The following LNPK variants were observed in gnomAD, a reference collection of about 807,000 sequenced individuals.
LNPK encodes lunapark, ER junction formation factor.
Under a neutral mutation model 55.2 loss-of-function variants are expected in LNPK, and 29 were observed. That is an observed-to-expected ratio of 0.53 (90% CI 0.39 to 0.72). The LOEUF is 0.72. Ranked by LOEUF, LNPK falls within the 30% of genes least tolerant of loss-of-function variation. LNPK has a pLI of 0.00. For missense variants in LNPK, 467 were observed against 494.8 expected (o/e 0.94, Z 0.53); for synonymous variants, 162 against 168.2 (o/e 0.96, Z 0.29).
At chr2:175,943,256 A>T (rs1408559952) in intron 9 of LNPK, among the ~76,000 whole-genome samples, 1 of 151,584 alleles carries the variant, frequency 6.6e-6, no homozygotes, top group African/African-American at 2.4e-5. Flanking sequence ...AAAAAAAAAA[A>T]AATAACCAGG....
At chr2:175,985,888 C>G (rs1196955071) in intron 4 of LNPK, among the ~76,000 whole-genome samples, 2 of 152,206 alleles carry the variant, frequency 1.3e-5, no homozygotes, top group African/African-American at 4.8e-5. Context: ...GAGGGCAAAA[C>G]TATGGATGAA....
rs1374172282 is a variant in LNPK at position 175,926,005 on chromosome 2, A to T, written c.*3962T>A. 2 of 152,208 alleles carry T rather than the reference A, an allele frequency of 1.3e-5. No homozygotes were observed. Among genetic ancestry groups the T allele is most frequent in the Non-Finnish European group, 2.9e-5 (2 of 68,066 alleles). The allele number at this position is 152,208 out of a possible 1,614,324, so 9.4% of individuals were successfully genotyped here. The stretch of plus-strand genomic sequence containing the variant: ...TTTTTAAAAACTCAGGCTGCAGCAC[A>T]CAGAATAGATAGCAAGTGCACAAGG... On this transcript the variant is annotated 3_prime_UTR_variant, in exon 13 of 13. Coordinates refer to ENST00000272748, the MANE Select transcript of LNPK (RefSeq NM_030650.3).
chr2:175,934,682 G>A (rs1306376870), intron 12 of LNPK, among the ~76,000 whole-genome samples: 1 of 151,632 alleles, frequency 6.6e-6, no homozygotes, highest in Non-Finnish European at 1.5e-5. Context: ...CCACCTTAAT[G>A]TAACTTAGCA....
chr2:175,971,938 A>C (rs1231414611), intron 5 of LNPK, among the ~76,000 whole-genome samples: 2 of 152,058 alleles, frequency 1.3e-5, no homozygotes, highest in East Asian at 1.9e-4. Flanking sequence ...TTGTTTTTTG[A>C]GACAGGGTAT....
chr2:175,978,382 G>A (rs998567020), intron 5 of LNPK, among the ~76,000 whole-genome samples: 8 of 152,140 alleles, frequency 5.3e-5, no homozygotes, highest in Non-Finnish European at 7.4e-5. Flanking sequence ...ACTTGGTGGT[G>A]TAGGTAGCTC....
intron 8 of LNPK, among the ~76,000 whole-genome samples, chr2:175,958,363 C>A (rs908967214): frequency 2.6e-5 from 4 of 152,206 alleles, no homozygotes; most frequent in Non-Finnish European, 5.9e-5. Context: ...GAAGCGTCCA[C>A]AGGAAGGATC....
chr2:176,000,020 C>CCTCCCAAAGTGCTGAGATTACAGGCGT (rs1688103185), intron 1 of LNPK, among the ~76,000 whole-genome samples: 1 of 152,168 alleles, frequency 6.6e-6, no homozygotes, highest in Non-Finnish European at 1.5e-5. Context: ...CCTGCCTTGG[C>CCTCCCAAAGTGCTGAGATTACAGGCGT]CTCCCAAAGT....
intron 8 of LNPK, among the ~76,000 whole-genome samples, chr2:175,962,763 A>C (rs2105621152): frequency 6.6e-6 from 1 of 152,292 alleles, no homozygotes; most frequent in South Asian, 2.1e-4. Flanking sequence ...CAGACTGAAC[A>C]CGCAATCTAC....
At chr2:175,976,776 T>C (rs1360220229) in intron 5 of LNPK, among the ~76,000 whole-genome samples, 1 of 152,240 alleles carries the variant, frequency 6.6e-6, no homozygotes, top group Non-Finnish European at 1.5e-5. Flanking sequence ...TTACACTTAC[T>C]GGCTCTCTTG....
intron 4 of LNPK, among the ~76,000 whole-genome samples, chr2:175,987,286 A>G (rs999114290): frequency 6.6e-6 from 1 of 152,220 alleles, no homozygotes; most frequent in African/African-American, 2.4e-5. Flanking sequence ...TTGTCCAACA[A>G]TGATAGACTG....
At chr2:175,980,858 G>A (rs1386432529) in intron 4 of LNPK, among the ~76,000 whole-genome samples, 1 of 142,054 alleles carries the variant, frequency 7.0e-6, no homozygotes, top group Non-Finnish European at 1.5e-5. Context: ...AGTGAGCCAA[G>A]ATCATGCCAC....
chr2:175,929,984 A>G lies in LNPK; in HGVS notation c.1270T>C (p.Ser424Pro). ...AGCATTTACTACTCTGCCGTCAAAGATTCTCCACTTAGTTCAGGATCAGGA... is the reference window on the plus strand; with the variant it reads ...AGCATTTACTACTCTGCCGTCAAAGGTTCTCCACTTAGTTCAGGATCAGGA... Reference protein sequence around the residue: ...SIPDPELSGESLTAE With the variant: ...SIPDPELSGEPLTAE The change falls in exon 13 of 13, where the codon TCT (serine) becomes CCT (proline). Residue 424 changes from serine to proline, a missense_variant. By Grantham distance (74) the Ser-to-Pro change is moderately conservative. Transcript: ENST00000272748. 1 of 1,614,038 alleles carries G rather than the reference A, an allele frequency of 6.2e-7. No individual in the cohort carries two copies. Among genetic ancestry groups the G allele is most frequent in the East Asian group, 2.2e-5 (1 of 44,868 alleles).
At chr2:175,960,212 A>C (rs1685941375) in intron 8 of LNPK, among the ~76,000 whole-genome samples, 1 of 152,198 alleles carries the variant, frequency 6.6e-6, no homozygotes, top group African/African-American at 2.4e-5. Context: ...AGCTGCCTTA[A>C]TAGGGATCTA....
intron 8 of LNPK, among the ~76,000 whole-genome samples, chr2:175,955,657 C>A (rs1439220363): frequency 6.6e-6 from 1 of 152,070 alleles, no homozygotes; most frequent in African/African-American, 2.4e-5. Flanking sequence ...CTGAATCAAA[C>A]ACATGCCCAA....
chr2:175,933,987 C>T (rs1684417306), intron 12 of LNPK, among the ~76,000 whole-genome samples: 2 of 152,172 alleles, frequency 1.3e-5, no homozygotes, highest in Admixed American at 6.5e-5. Flanking sequence ...CTTGGCCTCC[C>T]AAAGTGCTGG....
At chr2:175,941,373 A>G (rs940112938) in intron 9 of LNPK, among the ~76,000 whole-genome samples, 3 of 151,748 alleles carry the variant, frequency 2.0e-5, no homozygotes, top group African/African-American at 7.3e-5. Context: ...TAAATAATGC[A>G]TATTTTCCAA....
chr2:175,965,530 A>T (rs1421013952), intron 6 of LNPK, among the ~76,000 whole-genome samples: 1 of 152,186 alleles, frequency 6.6e-6, no homozygotes, highest in East Asian at 1.9e-4. Context: ...TAAATGTCAT[A>T]TTCATTCCAA....
At position 175,927,658 on chromosome 2, in the gene LNPK, T is replaced by C. The variant is rs989034251; in HGVS notation, c.*2309A>G. 2 of 152,196 alleles carry C rather than the reference T, an allele frequency of 1.3e-5. No homozygotes were observed. The highest frequency in any genetic ancestry group is 2.4e-5 in the African/African-American group (1 of 41,450). The allele number at this position is 152,196 out of a possible 1,614,324, so 9.4% of individuals were successfully genotyped here. ...GAATTTAGATGACCCACTGAACAAT[T>C]GTAAGCAAGGAAGCTAAGATCACTG... is the stretch of plus-strand genomic sequence containing the variant. On this transcript the variant is annotated 3_prime_UTR_variant, in exon 13 of 13. Transcript: ENST00000272748.
chr2:175,951,966 T>C (rs556290164), intron 8 of LNPK, among the ~76,000 whole-genome samples: 61 of 152,158 alleles, frequency 4.0e-4, no homozygotes, highest in Non-Finnish European at 5.0e-4. Context: ...TTGGTTTTGA[T>C]TTGCATTTCC....
Sources: allele counts gnomAD v4.1 joint callset (sites outside exome capture counted in the v4.1 genomes callset), GRCh38; gene constraint gnomAD v4.1.1; transcripts MANE v1.5; gene names NCBI Gene and HGNC (gene_info 2026-07-23, HGNC 2026-07-21).